Variants in GRK7 observed in about 807,000 individuals in gnomAD.
The protein encoded by GRK7 is G protein-coupled receptor kinase 7.
In GRK7, 24 loss-of-function variants were observed where a neutral mutation model predicts 34.1. That is an observed-to-expected ratio of 0.70 (90% CI 0.51 to 0.99). The LOEUF (loss-of-function observed/expected upper bound fraction) is 0.99. GRK7 is among the 50% of genes least tolerant of loss of function. The probability of loss-of-function intolerance (pLI) is 0.00; values close to 1 mark genes in which losing one functional copy is unlikely to be tolerated. For missense variants in GRK7, 644 were observed against 707.3 expected (o/e 0.91, Z 1.02); for synonymous variants, 256 against 279.4 (o/e 0.92, Z 0.84).
At chr3:141,756,327 G>GC in the GRK7 span, among the ~76,000 whole-genome samples, 4 of 50,180 alleles carry the variant, frequency 8.0e-5, no homozygotes, top group Admixed American at 4.3e-4. Context: ...GAAAAAAAAA[G>GC]GTGGGGGGGT....
In GRK7 at chr3:141,780,552, T is replaced by C. The variant is rs775791629; in HGVS notation, c.791T>C (p.Leu264Pro). The C allele has an allele frequency of 1.2e-6, 2 of 1,614,246 alleles. No individual in the cohort carries two copies. The highest frequency in any genetic ancestry group is 1.7e-6 in the Non-Finnish European group (2 of 1,180,042). The change falls in exon 4 of 6, where the codon CTC becomes CCC. Residue 264 changes from leucine to proline, a missense_variant. Coordinates refer to ENST00000682958, the MANE Select transcript of GRK7 (RefSeq NM_139209.3). Reference protein sequence around the residue: ...LAYAFESKTHLCLVMSLMNGG... With the variant: ...LAYAFESKTHPCLVMSLMNGG... ...TATGCCTTTGAGAGCAAGACCCATC[T>C]CTGCCTTGTCATGAGCCTGATGAAT...
chr3:141,768,404 G>A (rs1405864530), intron 1 of GRK7, among the ~76,000 whole-genome samples: 1 of 151,508 alleles, frequency 6.6e-6, no homozygotes, highest in Non-Finnish European at 1.5e-5. Context: ...CAGCCTCCCA[G>A]GTAGCTGGGA....
intron 5 of GRK7, among the ~76,000 whole-genome samples, chr3:141,815,682 A>G (rs1049110213): frequency 7.0e-6 from 1 of 142,128 alleles, no homozygotes; most frequent in African/African-American, 2.7e-5. Flanking sequence ...AAAAAAAACT[A>G]TGGCTTCTAT....
chr3:141,816,293 G>C (rs757730908), intron 5 of GRK7, among the ~76,000 whole-genome samples: 1 of 152,184 alleles, frequency 6.6e-6, no homozygotes, highest in African/African-American at 2.4e-5. Flanking sequence ...AGGGATATGA[G>C]TGCTGCCTTT....
the GRK7 span, among the ~76,000 whole-genome samples, chr3:141,752,641 A>T: frequency 6.6e-6 from 1 of 152,194 alleles, no homozygotes; most frequent in Non-Finnish European, 1.5e-5. Flanking sequence ...TAAGAGCTTT[A>T]TGTATATTAA....
Position 141,778,153 on chromosome 3 carries a change from C to T in GRK7, c.-113-19C>T. On this transcript the variant is annotated intron_variant, in intron 2 of 5. Coordinates refer to ENST00000682958, the MANE Select transcript of GRK7 (RefSeq NM_139209.3). This position sits in a 1 kb window ranked among gnomAD's most constrained non-coding sequence, Gnocchi z 4.1. ...ACAAGAGAAACCTCTTTCACACCCT[C>T]CACGGGTCCCACCCACAGGCCACAG... The T allele has an allele frequency of 3.5e-6, 4 of 1,156,334 alleles. No individual in the cohort carries two copies. Among genetic ancestry groups the T allele is most frequent in the Non-Finnish European group, 4.9e-6 (4 of 817,594 alleles). The allele number at this position is 1,156,334 out of a possible 1,614,324, so 71.6% of individuals were successfully genotyped here.
chr3:141,801,418 GC>G (rs1403520969), intron 4 of GRK7, among the ~76,000 whole-genome samples: 1 of 151,654 alleles, frequency 6.6e-6, no homozygotes, highest in Non-Finnish European at 1.5e-5. Flanking sequence ...CTACAGTTTG[GC>G]CCCTTTTTTT....
At chr3:141,753,376 A>AT in the GRK7 span, among the ~76,000 whole-genome samples, 1 of 152,084 alleles carries the variant, frequency 6.6e-6, no homozygotes, top group African/African-American at 2.4e-5. Context: ...TGGTTCCCCA[A>AT]TTTTTTTGGC....
At chr3:141,756,326 A>AAAG in the GRK7 span, among the ~76,000 whole-genome samples, 1 of 135,020 alleles carries the variant, frequency 7.4e-6, no homozygotes, top group Non-Finnish European at 1.5e-5. Context: ...AGAAAAAAAA[A>AAAG]GGTGGGGGGG....
the GRK7 span, among the ~76,000 whole-genome samples, chr3:141,753,822 CATA>C: frequency 6.6e-6 from 1 of 152,168 alleles, no homozygotes; most frequent in African/African-American, 2.4e-5. Flanking sequence ...ACTATATTAA[CATA>C]ATTGGTACAG....
chr3:141,816,148 G>C (rs775088208), intron 5 of GRK7, among the ~76,000 whole-genome samples: 1 of 152,108 alleles, frequency 6.6e-6, no homozygotes, highest in South Asian at 2.1e-4. Flanking sequence ...AATAATCATA[G>C]TCTTGAGTAC....
intron 4 of GRK7, among the ~76,000 whole-genome samples, chr3:141,806,182 T>C (rs1013693395): frequency 1.3e-5 from 2 of 152,200 alleles, no homozygotes; most frequent in Admixed American, 1.3e-4. Flanking sequence ...TTGAGGTACA[T>C]ACTCCACAGT....
chr3:141,795,265 G>A (rs1330687075), intron 4 of GRK7, among the ~76,000 whole-genome samples: 1 of 152,208 alleles, frequency 6.6e-6, no homozygotes, highest in East Asian at 1.9e-4. Context: ...GCAATGTCTG[G>A]AGACAGTTTT....
upstream of GRK7, among the ~76,000 whole-genome samples, chr3:141,760,417 G>T (rs1317707027): frequency 9.5e-4 from 131 of 137,546 alleles, no homozygotes; most frequent in African/African-American, 3.6e-3. Flanking sequence ...CCATGTAGTT[G>T]AGCGGCTTTG....
At chr3:141,788,664 G>A (rs750746302) in intron 4 of GRK7, among the ~76,000 whole-genome samples, 2 of 152,184 alleles carry the variant, frequency 1.3e-5, no homozygotes, top group Admixed American at 1.3e-4. Context: ...AGGCAGACAC[G>A]CAAGGAGATG....
chr3:141,773,197 T>C (rs973236773), intron 1 of GRK7, among the ~76,000 whole-genome samples: 7 of 152,100 alleles, frequency 4.6e-5, no homozygotes, highest in Non-Finnish European at 8.8e-5. Flanking sequence ...CCTCTTTTCA[T>C]ATGACAGAGG....
chr3:141,750,919 C>T, the GRK7 span, among the ~76,000 whole-genome samples: 1 of 152,202 alleles, frequency 6.6e-6, no homozygotes, highest in African/African-American at 2.4e-5. Context: ...CACCTGCAGT[C>T]TCAGCTATTT....
At chr3:141,755,952 A>AATGTTC in the GRK7 span, among the ~76,000 whole-genome samples, 1 of 151,858 alleles carries the variant, frequency 6.6e-6, no homozygotes, top group Admixed American at 6.6e-5. Context: ...AAACAACCCA[A>AATGTTC]ATGTTCATCA....
intron 1 of GRK7, among the ~76,000 whole-genome samples, chr3:141,770,206 G>C (rs920638636): frequency 3.9e-5 from 6 of 152,178 alleles, no homozygotes; most frequent in Admixed American, 3.3e-4. Context: ...CTAGAGGTAG[G>C]TATCAAATCC....
Sources: gnomAD v4.1 joint callset for allele counts (sites outside exome capture counted in the v4.1 genomes callset) on GRCh38, gnomAD v4.1.1 for gene constraint, Gnocchi (gnomAD v3.1) non-coding constraint, MANE v1.5 for transcripts, NCBI Gene and HGNC (gene_info 2026-07-23, HGNC 2026-07-21) for gene names.